The following ZMAT4 variants were observed in gnomAD, a reference collection of about 807,000 sequenced individuals.
ZMAT4 encodes the protein zinc finger matrin-type 4.
ZMAT4 carries 17 observed loss-of-function variants against 28.7 expected under a neutral mutation model. The observed-to-expected ratio is 0.59, with a 90% CI of 0.41 to 0.89. The LOEUF (loss-of-function observed/expected upper bound fraction) is 0.89. ZMAT4 is among the 40% of genes least tolerant of loss of function. The pLI is 0.00. For synonymous variants in ZMAT4, 117 were observed against 109.2 expected (o/e 1.07, Z -0.44); for missense variants, 240 against 283.8 (o/e 0.85, Z 1.11).
chr8:40,572,301 G>A (rs1015191433), intron 6 of ZMAT4, among the ~76,000 whole-genome samples: 4 of 151,980 alleles, frequency 2.6e-5, no homozygotes, highest in African/African-American at 9.7e-5. Context: ...TAAATAATAC[G>A]AGGCTTTTGT....
At chr8:40,895,036 C>A (rs886529926) in intron 1 of ZMAT4, among the ~76,000 whole-genome samples, 2 of 152,116 alleles carry the variant, frequency 1.3e-5, no homozygotes, top group East Asian at 3.9e-4. Flanking sequence ...AAAGGGATAA[C>A]AGAAGGATGA....
chr8:40,765,365 A>C (rs886257257), intron 3 of ZMAT4, among the ~76,000 whole-genome samples: 4 of 152,222 alleles, frequency 2.6e-5, no homozygotes, highest in Non-Finnish European at 4.4e-5. Context: ...CAAAATGCAT[A>C]GCGGAAAGTA....
At chr8:40,741,108 A>G (rs2150534639) in intron 3 of ZMAT4, among the ~76,000 whole-genome samples, 1 of 152,310 alleles carries the variant, frequency 6.6e-6, no homozygotes, top group East Asian at 1.9e-4. Context: ...CAATAATTAA[A>G]GAGAAATAAC....
intron 2 of ZMAT4, among the ~76,000 whole-genome samples, chr8:40,771,220 T>G (rs1335085201): frequency 1.3e-5 from 2 of 150,924 alleles, no homozygotes; most frequent in Admixed American, 6.6e-5. Context: ...TATATACATA[T>G]ATATGTACCT....
chr8:40,535,582 T>C (rs1802819787), intron 6 of ZMAT4, among the ~76,000 whole-genome samples: 1 of 151,726 alleles, frequency 6.6e-6, no homozygotes, highest in African/African-American at 2.4e-5. Flanking sequence ...GGCAGGAGAA[T>C]TGCTTGAACC....
chr8:40,539,166 C>T (rs896036670), intron 6 of ZMAT4, among the ~76,000 whole-genome samples: 2 of 152,162 alleles, frequency 1.3e-5, no homozygotes, highest in African/African-American at 2.4e-5. Flanking sequence ...TGTCTGTGTC[C>T]TCTTCAAGGA....
intron 3 of ZMAT4, among the ~76,000 whole-genome samples, chr8:40,702,982 G>T (rs74458320): frequency 0.045 from 6,892 of 152,176 alleles, 291 homozygotes; most frequent in East Asian, 0.24. Context: ...GTGGATAGCA[G>T]TGTTGTGAGG....
chr8:40,894,655 C>T (rs1207701078), intron 1 of ZMAT4, among the ~76,000 whole-genome samples: 1 of 152,008 alleles, frequency 6.6e-6, no homozygotes, highest in Non-Finnish European at 1.5e-5. Flanking sequence ...AGCCTTCACC[C>T]CACCTTGAAT....
intron 1 of ZMAT4, among the ~76,000 whole-genome samples, chr8:40,846,473 T>G (rs1816903607): frequency 6.6e-6 from 1 of 152,242 alleles, no homozygotes; most frequent in Non-Finnish European, 1.5e-5. Context: ...GGCTCTGGAT[T>G]CCATAATTAA....
chr8:40,673,425 A>T (rs904079002), intron 5 of ZMAT4, among the ~76,000 whole-genome samples: 6 of 152,142 alleles, frequency 3.9e-5, no homozygotes, highest in Admixed American at 1.3e-4. Flanking sequence ...TAGGCTCTGT[A>T]TGCAGAACCC....
intron 1 of ZMAT4, among the ~76,000 whole-genome samples, chr8:40,854,014 G>A (rs1817209690): frequency 6.6e-6 from 1 of 152,312 alleles, no homozygotes; most frequent in East Asian, 1.9e-4. Flanking sequence ...TGAAGGGGGA[G>A]CAGTGAGTCA....
chr8:40,770,010 T>C (rs942345818), intron 2 of ZMAT4, among the ~76,000 whole-genome samples: 3 of 152,032 alleles, frequency 2.0e-5, no homozygotes, highest in Non-Finnish European at 4.4e-5. Context: ...TACAGGCCTG[T>C]TTTCCTCCCT....
intron 6 of ZMAT4, among the ~76,000 whole-genome samples, chr8:40,575,859 A>G (rs1804246910): frequency 2.0e-5 from 3 of 152,140 alleles, no homozygotes; most frequent in Non-Finnish European, 4.4e-5. Flanking sequence ...AAATAAAAAT[A>G]TTAAGGAAAT....
At chr8:40,829,809 G>A (rs1047501467) in intron 1 of ZMAT4, among the ~76,000 whole-genome samples, 2 of 152,172 alleles carry the variant, frequency 1.3e-5, no homozygotes, top group Non-Finnish European at 2.9e-5. Flanking sequence ...GGATTAGAGT[G>A]GAGAGAAATG....
intron 1 of ZMAT4, among the ~76,000 whole-genome samples, chr8:40,835,283 A>C (rs2150621434): frequency 6.6e-6 from 1 of 152,320 alleles, no homozygotes; most frequent in East Asian, 1.9e-4. Flanking sequence ...AGGAGGAGAA[A>C]ATATGAGGGA....
chr8:40,563,849 G>C (rs544783360), intron 6 of ZMAT4, among the ~76,000 whole-genome samples: 13 of 152,150 alleles, frequency 8.5e-5, no homozygotes, highest in African/African-American at 2.9e-4. Flanking sequence ...TCCAGAAACT[G>C]GGGTGATGCT....
At chr8:40,753,553 C>A (rs1188424612) in intron 3 of ZMAT4, among the ~76,000 whole-genome samples, 3 of 152,114 alleles carry the variant, frequency 2.0e-5, no homozygotes, top group Non-Finnish European at 4.4e-5. Context: ...CACCACTATC[C>A]TTGTAAGTTC....
At chr8:40,671,078 A>G (rs1563401401) in intron 5 of ZMAT4, among the ~76,000 whole-genome samples, 1 of 152,094 alleles carries the variant, frequency 6.6e-6, no homozygotes, top group African/African-American at 2.4e-5. Context: ...AAAAAAAAAA[A>G]AAAAGTACTT....
At chr8:40,619,460 C>A (rs1359956259) in intron 5 of ZMAT4, among the ~76,000 whole-genome samples, 1 of 152,166 alleles carries the variant, frequency 6.6e-6, no homozygotes, top group South Asian at 2.1e-4. Flanking sequence ...GGGATTCACA[C>A]TGGAATCAGA....
Sources: allele counts gnomAD v4.1 joint callset (sites outside exome capture counted in the v4.1 genomes callset), GRCh38; gene constraint gnomAD v4.1.1; transcripts MANE v1.5; gene names NCBI Gene and HGNC (gene_info 2026-07-23, HGNC 2026-07-21).